Variants in TMC4 observed in about 807,000 individuals in gnomAD.
TMC4 encodes the protein voltage-gated chloride channel TMC4.
In TMC4, 70 loss-of-function variants were observed where a neutral mutation model predicts 82.0. The observed-to-expected ratio is 0.85, with a 90% CI of 0.70 to 1.04. The LOEUF (loss-of-function observed/expected upper bound fraction) is 1.04, where lower values mean the gene tolerates loss of function less well. TMC4 is among the 50% of genes least tolerant of loss of function. TMC4 has a pLI of 0.00. For missense variants in TMC4, 879 were observed against 899.0 expected (o/e 0.98, Z 0.28); for synonymous variants, 446 against 406.0 (o/e 1.10, Z -1.18).
At chr19:54,164,318 C>A in intron 7 of TMC4, 116 bp downstream of exon 7, 1 of 1,323,112 alleles carries the variant, frequency 7.6e-7, no homozygotes, top group Non-Finnish European at 1.0e-6. Context: ...CGAACATACC[C>A]TCTCCCATAC....
Position 54,163,055 on chromosome 19 carries a change from C to T in TMC4, c.1382G>A (p.Gly461Asp). 5 of 1,614,168 alleles carry T rather than the reference C, an allele frequency of 3.1e-6. No homozygotes were observed. The highest frequency in any genetic ancestry group is 4.2e-6 in the Non-Finnish European group (5 of 1,180,030). ...CACCGGAAGTTGTTTGTAATTGTAG[C>T]CACAGGTTTTGCAGTCCTCAGCCTC... ...DSEAEDCKTC[G>D]YNYKQLPCWE... Residue 461 changes from glycine to aspartate, a missense_variant, in exon 9 of 15, where the codon GGC (glycine) becomes GAC (aspartate). Physicochemically the swap from Gly to Asp is moderately conservative, Grantham distance 94 (BLOSUM62 -1). Coordinates refer to ENST00000619895, the MANE Select transcript of TMC4 (RefSeq NM_144686.4).
At chr19:54,168,360 G>A in intron 4 of TMC4, 68 bp from the exon 5 acceptor site, 1 of 1,528,662 alleles carries the variant, frequency 6.5e-7, no homozygotes, top group Non-Finnish European at 8.8e-7. Context: ...GCACAGTCAG[G>A]GTCTGGGGTC....
At position 54,163,763 on chromosome 19, in the gene TMC4, C is replaced by T. The variant is rs1469601368; in HGVS notation, c.1238G>A (p.Gly413Asp). 10 of 1,613,898 alleles carry T rather than the reference C, an allele frequency of 6.2e-6. No homozygotes were observed. The highest frequency in any genetic ancestry group is 8.5e-6 in the Non-Finnish European group (10 of 1,180,038). Residue 413 changes from glycine to aspartate, a missense_variant, in exon 8 of 15, where the codon GGC becomes GAC. Transcript: ENST00000619895. Reference sequence around the variant, plus strand: ...AACGATCTGGCGACTCCGAGTGTAGCCCTCCAGTGGAGCAATGAGCTTGAA... The same window carrying T: ...AACGATCTGGCGACTCCGAGTGTAGTCCTCCAGTGGAGCAATGAGCTTGAA... ...PVFKLIAPLE[G>D]YTRSRQIVFI...
At chr19:54,171,756 G>C in intron 2 of TMC4, 114 bp downstream of exon 2, 1 of 946,832 alleles carries the variant, frequency 1.1e-6, no homozygotes, top group East Asian at 2.8e-5. Flanking sequence ...GCGGGGCAGA[G>C]AGAGGCCCCA....
intron 2 of TMC4, among the ~76,000 whole-genome samples, 162 bp downstream of exon 2, chr19:54,171,708 G>A (rs1212117572): frequency 6.6e-6 from 1 of 152,194 alleles, no homozygotes; most frequent in Non-Finnish European, 1.5e-5. Context: ...TAGAGACAAA[G>A]ATGAGGGGAA....
At chr19:54,169,858 G>C (rs2075841459) in intron 2 of TMC4, among the ~76,000 whole-genome samples, 198 bp from the exon 3 acceptor site, 1 of 152,070 alleles carries the variant, frequency 6.6e-6, no homozygotes, top group Non-Finnish European at 1.5e-5. Flanking sequence ...GGGAGGCCGA[G>C]GTGGGTGAAT....
At chr19:54,167,111 T>C (rs8100978) in intron 5 of TMC4, among the ~76,000 whole-genome samples, 6 of 151,462 alleles carry the variant, frequency 4.0e-5, no homozygotes, top group Non-Finnish European at 7.4e-5. Flanking sequence ...TAAAAAAAAA[T>C]TTTTAGCAAG....
intron 3 of TMC4, among the ~76,000 whole-genome samples, chr19:54,169,100 C>A (rs982710527): frequency 7.3e-6 from 1 of 136,620 alleles, no homozygotes; most frequent in Non-Finnish European, 1.5e-5. Context: ...GTGGCGCGAT[C>A]TCGGCTCACT....
At chr19:54,163,612 G>T in intron 8 of TMC4, 112 bp downstream of exon 8, 2 of 1,329,826 alleles carry the variant, frequency 1.5e-6, no homozygotes, top group South Asian at 1.2e-5. Context: ...GTCAGGATTT[G>T]AATCCCTGGA....
At position 54,168,311 on chromosome 19, in the gene TMC4, G is replaced by A. The variant is rs1025818947; in HGVS notation, c.676-19C>T. 7.8e-6 allele frequency: 12 copies of A among 1,547,780 alleles called. No homozygotes were observed. The highest frequency in any genetic ancestry group is 7.4e-5 in the East Asian group (3 of 40,782). On this transcript the variant is annotated intron_variant, in intron 4 of 14. Coordinates refer to ENST00000619895, the MANE Select transcript of TMC4 (RefSeq NM_144686.4). ...GGTAACCCTGTGGGGGGAAGGCGGC[G>A]CAGGGGCCACTGTGGGAGGAGGCGG...
intron 9 of TMC4, 84 bp from the exon 10 acceptor site, chr19:54,162,854 CTA>C: frequency 6.6e-7 from 1 of 1,506,092 alleles, no homozygotes; most frequent in Non-Finnish European, 9.2e-7. Flanking sequence ...CATCGCAAGC[CTA>C]TGAGACCCTG....
intron 5 of TMC4, among the ~76,000 whole-genome samples, chr19:54,166,939 C>G (rs968312194): frequency 1.3e-5 from 2 of 148,418 alleles, no homozygotes; most frequent in Admixed American, 1.4e-4. Context: ...GGTGACAGAG[C>G]GAGACTCCGT....
intron 8 of TMC4, 98 bp from the exon 9 acceptor site, chr19:54,163,257 G>A: frequency 1.4e-6 from 2 of 1,416,656 alleles, no homozygotes; most frequent in East Asian, 2.4e-5. Context: ...CCATCTCACA[G>A]ATGAAGCTGA....
intron 7 of TMC4, 94 bp downstream of exon 7, chr19:54,164,340 G>C: frequency 6.9e-7 from 1 of 1,444,258 alleles, no homozygotes; most frequent in Non-Finnish European, 9.4e-7. Context: ...TCCTCTCTAA[G>C]ATCTCTGGCA....
intron 2 of TMC4, 75 bp from the exon 3 acceptor site, chr19:54,169,735 C>T (rs2075839136): frequency 1.9e-6 from 3 of 1,566,650 alleles, no homozygotes; most frequent in Non-Finnish European, 2.6e-6. Flanking sequence ...AGACACAATC[C>T]AACAGTAGAA....
At chr19:54,161,060 A>G (rs1434441117) in intron 12 of TMC4, 27 bp from the exon 13 acceptor site, 5 of 1,613,668 alleles carry the variant, frequency 3.1e-6, no homozygotes, top group Non-Finnish European at 4.2e-6. Context: ...CTGGGCTCAC[A>G]TAGTGCCAGG....
At chr19:54,163,237 C>G (rs1009306546) in intron 8 of TMC4, 78 bp from the exon 9 acceptor site, 2 of 1,551,846 alleles carry the variant, frequency 1.3e-6, no homozygotes, top group African/African-American at 2.7e-5. Context: ...GGAACGCGCC[C>G]GCATTCAACC....
Position 54,162,594 on chromosome 19 carries a change from G to A in TMC4, c.1502+79C>T, listed in dbSNP as rs182134202. 2,259 of 1,156,214 alleles carry A rather than the reference G, an allele frequency of 2.0e-3. 25 individuals carry two copies. The African/African-American group carries it at 0.028, about 14-fold the overall frequency. 71.6% of individuals were successfully genotyped at this position (1,156,214 alleles called of 1,614,324 possible). On this transcript the variant is annotated intron_variant, in intron 10 of 14. Transcript: ENST00000619895. ...GCAGAGGCGGGAATGGTAAAAAGGTGCGCGGTGAAAAGAACAGCGCGATGG... is the reference window on the plus strand; with the variant it reads ...GCAGAGGCGGGAATGGTAAAAAGGTACGCGGTGAAAAGAACAGCGCGATGG...
rs2075677893 is a variant in TMC4 at position 54,165,420 on chromosome 19, T to G, written c.944A>C (p.Lys315Thr). 2 of 1,597,710 alleles carry G rather than the reference T, an allele frequency of 1.3e-6. No homozygotes were observed. The highest frequency in any genetic ancestry group is 8.6e-7 in the Non-Finnish European group (1 of 1,167,520). The change falls in exon 6 of 15, where the codon AAG (lysine) becomes ACG (threonine). Residue 315 changes from lysine to threonine, a missense_variant and splice_region_variant. By Grantham distance (78) the Lys-to-Thr change is moderately conservative. Transcript: ENST00000619895. Reference protein sequence around the residue: ...LRQRIILYELKVELEETVVRR... With the variant: ...LRQRIILYELTVELEETVVRR... ...GCAGACCCCGCTCCCTAATCGCACCTTTAATTCGTACAAGATGATGCGCTG... is the reference window on the plus strand; with the variant it reads ...GCAGACCCCGCTCCCTAATCGCACCGTTAATTCGTACAAGATGATGCGCTG...
Sources: allele counts gnomAD v4.1 joint callset (sites outside exome capture counted in the v4.1 genomes callset), GRCh38; gene constraint gnomAD v4.1.1; transcripts MANE v1.5; gene names NCBI Gene and HGNC (gene_info 2026-07-23, HGNC 2026-07-21).